The following CDH8 variants were observed in gnomAD, a reference collection of about 807,000 sequenced individuals.
CDH8 encodes cadherin-8.
A neutral mutation model predicts 68.1 loss-of-function variants in CDH8; 17 were observed. That is an observed-to-expected ratio of 0.25 (90% CI 0.17 to 0.37). CDH8 has a LOEUF of 0.37. CDH8 is among the 10% of genes least tolerant of loss of function. The probability of loss-of-function intolerance (pLI) is 1.00; values close to 1 mark genes in which losing one functional copy is unlikely to be tolerated. For missense variants in CDH8, 763 were observed against 999.3 expected (o/e 0.76, Z 3.19); for synonymous variants, 372 against 365.1 (o/e 1.02, Z -0.21).
chr16:61,977,966 T>G (rs574639717), intron 2 of CDH8, among the ~76,000 whole-genome samples: 1 of 152,318 alleles, frequency 6.6e-6, no homozygotes, highest in South Asian at 2.1e-4. Flanking sequence ...TTGTGTTGCT[T>G]TCTTTCATTG....
intron 2 of CDH8, among the ~76,000 whole-genome samples, chr16:61,941,529 A>G (rs567215271): frequency 6.6e-6 from 1 of 152,308 alleles, no homozygotes; most frequent in East Asian, 1.9e-4. Flanking sequence ...CGCTCACTGC[A>G]ACCTCCGTCT....
intron 8 of CDH8, among the ~76,000 whole-genome samples, chr16:61,767,284 G>A (rs948974936): frequency 2.6e-5 from 4 of 151,896 alleles, no homozygotes; most frequent in Admixed American, 6.6e-5. Flanking sequence ...ATGTATATCC[G>A]TGCTTGCAAA....
intron 2 of CDH8, among the ~76,000 whole-genome samples, chr16:62,003,162 G>A (rs1486543334): frequency 1.3e-5 from 2 of 152,184 alleles, no homozygotes; most frequent in African/African-American, 4.8e-5. Context: ...GTATCTTGGG[G>A]GAGGTGGGCA....
rs543090050 is a variant in CDH8, at chr16:61,663,213, C to A, written c.1655-7492G>T. On this transcript the variant is annotated intron_variant, in intron 10 of 11. Coordinates refer to ENST00000577390, the MANE Select transcript of CDH8 (RefSeq NM_001796.5). ...AGCTCTTTTCAAGTACGTAGACTTGCTTAGTTTCAGGCAGCAGAGTACAGT... is the reference window on the plus strand; with the variant it reads ...AGCTCTTTTCAAGTACGTAGACTTGATTAGTTTCAGGCAGCAGAGTACAGT... Among the ~76,000 whole-genome samples, 29 of 152,078 alleles carry A rather than the reference C, an allele frequency of 1.9e-4. 1 individual carries two copies. The highest frequency in any genetic ancestry group is 6.5e-4 in the African/African-American group (27 of 41,532).
In CDH8 at chr16:61,960,015, T is replaced by TATAC. The variant is rs1198530274; in HGVS notation, c.253-58543_253-58542insGTAT. Among the ~76,000 whole-genome samples, 37 of 73,222 alleles carry TATAC rather than the reference T, an allele frequency of 5.1e-4. 4 individuals are homozygous for TATAC. Among genetic ancestry groups the TATAC allele is most frequent in the African/African-American group, 2.1e-3 (20 of 9,616 alleles). The allele number at this position is 73,222 out of a possible 152,430, so 48.0% of individuals were successfully genotyped here. ...ATATATATATATATATATATATATA[T>TATAC]ACACACATACACACACACACACAAC... On this transcript the variant is annotated intron_variant, in intron 2 of 11. Coordinates refer to ENST00000577390, the MANE Select transcript of CDH8 (RefSeq NM_001796.5).
At chr16:61,985,298 C>G (rs1965607050) in intron 2 of CDH8, among the ~76,000 whole-genome samples, 1 of 152,070 alleles carries the variant, frequency 6.6e-6, no homozygotes, top group African/African-American at 2.4e-5. Context: ...CCACATATGT[C>G]AAAGAAAATT....
intron 10 of CDH8, among the ~76,000 whole-genome samples, chr16:61,682,111 A>C (rs1472498465): frequency 6.6e-6 from 1 of 151,842 alleles, no homozygotes; most frequent in Non-Finnish European, 1.5e-5. Context: ...GATAATATTC[A>C]ATCTTTTTTT....
At chr16:61,963,606 C>T (rs1453217655) in intron 2 of CDH8, among the ~76,000 whole-genome samples, 1 of 152,122 alleles carries the variant, frequency 6.6e-6, no homozygotes, top group East Asian at 1.9e-4. Flanking sequence ...TAAAAATTAA[C>T]GATAAAGTGA....
At chr16:61,884,349 G>A (rs893730681) in intron 3 of CDH8, among the ~76,000 whole-genome samples, 3 of 151,720 alleles carry the variant, frequency 2.0e-5, no homozygotes, top group Non-Finnish European at 2.9e-5. Flanking sequence ...GTGATGAATA[G>A]TAAGTATATT....
At chr16:61,976,914 C>A (rs1313932839) in intron 2 of CDH8, among the ~76,000 whole-genome samples, 1 of 152,148 alleles carries the variant, frequency 6.6e-6, no homozygotes, top group Non-Finnish European at 1.5e-5. Context: ...AAAAAATGCA[C>A]ATTAATCCAT....
At chr16:61,889,448 C>T (rs1963735816) in intron 3 of CDH8, among the ~76,000 whole-genome samples, 2 of 152,106 alleles carry the variant, frequency 1.3e-5, no homozygotes, top group South Asian at 4.1e-4. Flanking sequence ...TCGAGGAAAT[C>T]CCCACTACCC....
chr16:61,765,577 G>T (rs1286803391), intron 8 of CDH8, among the ~76,000 whole-genome samples: 1 of 151,938 alleles, frequency 6.6e-6, no homozygotes, highest in Non-Finnish European at 1.5e-5. Context: ...ATTCAAAAAT[G>T]CTCTTAGATT....
chr16:61,673,972 G>A (rs545572432), intron 10 of CDH8, among the ~76,000 whole-genome samples: 1 of 152,174 alleles, frequency 6.6e-6, no homozygotes, highest in Non-Finnish European at 1.5e-5. Context: ...AAGAGGCCTG[G>A]CCAGAACAAC....
chr16:61,704,704 C>T (rs1413689849), intron 10 of CDH8, among the ~76,000 whole-genome samples: 1 of 152,168 alleles, frequency 6.6e-6, no homozygotes, highest in Admixed American at 6.5e-5. Context: ...AAAGTCACTT[C>T]TCTGTTAATT....
intron 7 of CDH8, among the ~76,000 whole-genome samples, chr16:61,807,636 G>A (rs539717282): frequency 6.6e-5 from 10 of 152,230 alleles, no homozygotes; most frequent in Admixed American, 3.3e-4. Context: ...TGTGAGGGGC[G>A]TGGTCAGGAG....
intron 2 of CDH8, among the ~76,000 whole-genome samples, chr16:61,905,458 G>A (rs968436758): frequency 4.0e-5 from 6 of 151,452 alleles, no homozygotes; most frequent in Non-Finnish European, 7.4e-5. Flanking sequence ...ATTTAATTAT[G>A]GTTATTATTA....
chr16:61,766,124 T>G (rs1050735240), intron 8 of CDH8, among the ~76,000 whole-genome samples: 1 of 151,850 alleles, frequency 6.6e-6, no homozygotes, highest in Admixed American at 6.6e-5. Flanking sequence ...AGGTAGTGTT[T>G]TGTTCTTCAC....
At chr16:62,034,178 A>ATC (rs1839970015) in intron 1 of CDH8, among the ~76,000 whole-genome samples, 2 of 134,870 alleles carry the variant, frequency 1.5e-5, no homozygotes, top group Middle Eastern at 3.9e-3. Flanking sequence ...CCTCATATAT[A>ATC]TATCTCTCTC....
At chr16:61,796,299 T>C (rs1462523067) in intron 7 of CDH8, among the ~76,000 whole-genome samples, 1 of 152,120 alleles carries the variant, frequency 6.6e-6, no homozygotes, top group Non-Finnish European at 1.5e-5. Flanking sequence ...TTGAAGTTTC[T>C]GTTCTAATTT....
Sources: allele counts gnomAD v4.1 joint callset (sites outside exome capture counted in the v4.1 genomes callset), GRCh38; gene constraint gnomAD v4.1.1; transcripts MANE v1.5; gene names NCBI Gene and HGNC (gene_info 2026-07-23, HGNC 2026-07-21).